PRDM16: variants seen among roughly 807,000 people sequenced by gnomAD.
The protein encoded by PRDM16 is PR/SET domain 16.
A neutral mutation model predicts 110.6 loss-of-function variants in PRDM16; 23 were observed. The observed-to-expected ratio is 0.21, with a 90% CI of 0.15 to 0.29. The LOEUF is 0.29. PRDM16 is among the 10% of genes least tolerant of loss of function. PRDM16 has a pLI of 1.00. For synonymous variants in PRDM16, 799 were observed against 781.8 expected (o/e 1.02, Z -0.37); for missense variants, 1,615 against 1,794.3 (o/e 0.90, Z 1.81).
chr1:3,212,022 T>A (rs1313562206), intron 2 of PRDM16, among the ~76,000 whole-genome samples: 1 of 152,182 alleles, frequency 6.6e-6, no homozygotes, highest in Non-Finnish European at 1.5e-5. Flanking sequence ...GGTGGATTAA[T>A]CCTCGCGTCG....
rs757018869 is a variant in PRDM16 at position 3,417,876 on chromosome 1, A to G, written c.2740A>G (p.Met914Val). The G allele has an allele frequency of 7.4e-6, 12 of 1,613,766 alleles. No individual in the cohort carries two copies. In the South Asian group the frequency reaches 1.1e-4, roughly 15 times the overall value. The change falls in exon 11 of 17, where the codon ATG becomes GTG. Residue 914 changes from methionine (M) to valine (V), a missense_variant. Physicochemically the swap from Met to Val is conservative, Grantham distance 21. Transcript: ENST00000270722. The part of the protein sequence containing the change: ...MTEKLESFAA[M>V]KADSGSSLQP... ...AGAGAAGCTGGAGAGCTTTGCAGCC[A>G]TGAAGGCGGACTCGGGCAGCTCCCT...
At chr1:3,391,424 A>T (rs541052213) in intron 4 of PRDM16, among the ~76,000 whole-genome samples, 1 of 152,140 alleles carries the variant, frequency 6.6e-6, no homozygotes, top group Non-Finnish European at 1.5e-5. Context: ...ACCTGTCAGG[A>T]TTTGTATATT....
At chr1:3,418,515 G>C (rs1023154444) in intron 11 of PRDM16, 152 bp from the exon 12 acceptor site, 3 of 660,862 alleles carry the variant, frequency 4.5e-6, no homozygotes, top group African/African-American at 3.6e-5. Flanking sequence ...GGGCTTCAGG[G>C]CCGTGGAAGG....
At chr1:3,327,132 T>C (rs1438566113) in intron 3 of PRDM16, among the ~76,000 whole-genome samples, 2 of 152,268 alleles carry the variant, frequency 1.3e-5, no homozygotes, top group Non-Finnish European at 2.9e-5. Context: ...ACACTTTTTG[T>C]GTCTGAGACT....
rs745904673 is a variant in PRDM16 at position 3,209,604 on chromosome 1, G to A, written c.387+23130G>A. On this transcript the variant is annotated intron_variant, in intron 2 of 16. Transcript: ENST00000270722. This position sits in a 1 kb window ranked among gnomAD's most constrained non-coding sequence, Gnocchi z 4.6. Reference sequence around the variant, plus strand: ...TGGAAGCTGAGCGCCTCAGTGGAATGTCCTGGAACCTCACTTCGGGATCCT... The same window carrying A: ...TGGAAGCTGAGCGCCTCAGTGGAATATCCTGGAACCTCACTTCGGGATCCT... Among the ~76,000 whole-genome samples, 13 of 152,352 alleles carry A rather than the reference G, an allele frequency of 8.5e-5. No individual in the cohort carries two copies. The highest frequency in any genetic ancestry group is 1.6e-4 in the Non-Finnish European group (11 of 68,032).
At chr1:3,269,232 G>A (rs1640370630) in intron 3 of PRDM16, among the ~76,000 whole-genome samples, 1 of 152,282 alleles carries the variant, frequency 6.6e-6, no homozygotes, top group African/African-American at 2.4e-5. Context: ...GCTGGGAGGA[G>A]GAGGACGGCC....
chr1:3,268,470 A>C (rs1329853197), intron 3 of PRDM16, among the ~76,000 whole-genome samples: 1 of 152,198 alleles, frequency 6.6e-6, no homozygotes, highest in Non-Finnish European at 1.5e-5. Flanking sequence ...AGGCTGGTGC[A>C]GGGCGGCCGG....
At position 3,201,941 on chromosome 1, in the gene PRDM16, T is replaced by C. The variant is rs555838915; in HGVS notation, c.387+15467T>C. On this transcript the variant is annotated intron_variant, in intron 2 of 16. Transcript: ENST00000270722. This position sits in a 1 kb window ranked among gnomAD's most constrained non-coding sequence, Gnocchi z 4.1. ...GCCTTCGAGCAAGGGGTCCAGCTCC[T>C]GTAGGTTTCTTGCTTCAGTGGTGCC... Among the ~76,000 whole-genome samples, 1 of 152,306 alleles carries C rather than the reference T, an allele frequency of 6.6e-6. No homozygotes were observed. Among genetic ancestry groups the C allele is most frequent in the Admixed American group, 6.5e-5 (1 of 15,304 alleles).
intron 2 of PRDM16, among the ~76,000 whole-genome samples, chr1:3,198,566 C>T (rs936031540): frequency 3.3e-5 from 5 of 152,190 alleles, no homozygotes; most frequent in East Asian, 1.9e-4. Context: ...GCAGCACCAC[C>T]GTGCTTTCCA....
intron 15 of PRDM16, among the ~76,000 whole-genome samples, chr1:3,431,533 G>A (rs922422250): frequency 6.6e-6 from 1 of 152,200 alleles, no homozygotes; most frequent in African/African-American, 2.4e-5. Flanking sequence ...CACCAATATC[G>A]GGCCTGGGCG....
chr1:3,239,669 C>G (rs1010252515), intron 2 of PRDM16, among the ~76,000 whole-genome samples: 1 of 152,216 alleles, frequency 6.6e-6, no homozygotes, highest in African/African-American at 2.4e-5. Flanking sequence ...TAGGTTAGAA[C>G]CAGCCACAGT....
intron 1 of PRDM16, among the ~76,000 whole-genome samples, chr1:3,174,953 G>A (rs1024210751): frequency 1.3e-5 from 2 of 152,126 alleles, no homozygotes; most frequent in Non-Finnish European, 2.9e-5. Context: ...TGTTAATAGC[G>A]GCCGCTTGGT....
Position 3,339,301 on chromosome 1 carries a change from A to G in PRDM16, c.439-45851A>G, listed in dbSNP as rs61603371. On this transcript the variant is annotated intron_variant, in intron 3 of 16. Coordinates refer to ENST00000270722, the MANE Select transcript of PRDM16 (RefSeq NM_022114.4). This position sits in a 1 kb window ranked among gnomAD's most constrained non-coding sequence, Gnocchi z 5.0. ...AGACAGACGTCCTGCTTGTCTCGGT[A>G]TCCCTGGCCCTTGCCCAGGGTGAGG... 6.6e-6 allele frequency among the ~76,000 whole-genome samples: 1 copy of G among 152,150 alleles called. No individual in the cohort carries two copies. The highest frequency in any genetic ancestry group is 1.9e-4 in the East Asian group (1 of 5,150).
intron 3 of PRDM16, among the ~76,000 whole-genome samples, chr1:3,289,706 C>T (rs2100353900): frequency 6.6e-6 from 1 of 152,312 alleles, no homozygotes; most frequent in Admixed American, 6.5e-5. Context: ...GGCAAAGGCC[C>T]TGGGGCAGGA....
chr1:3,118,011 T>A (rs58543926), intron 1 of PRDM16, among the ~76,000 whole-genome samples: 8,259 of 151,084 alleles, frequency 0.055, 518 homozygotes, highest in East Asian at 0.22. Flanking sequence ...TGCGTGTGCG[T>A]GTGTGCATGT....
intron 3 of PRDM16, among the ~76,000 whole-genome samples, chr1:3,334,596 G>C (rs917557485): frequency 5.9e-5 from 9 of 152,152 alleles, no homozygotes; most frequent in African/African-American, 2.2e-4. Context: ...TGGCCACAAT[G>C]CCTGCCTTGC....
chr1:3,317,400 A>G (rs28650804), intron 3 of PRDM16, among the ~76,000 whole-genome samples: 4,894 of 152,302 alleles, frequency 0.032, 316 homozygotes, highest in East Asian at 0.24. Flanking sequence ...CCTTCTGTCC[A>G]GCAGCCGCTG....
rs149331966 is a variant in PRDM16 at position 3,096,818 on chromosome 1, C to T, written c.37+27522C>T. Among the ~76,000 whole-genome samples, 17 of 152,342 alleles carry T rather than the reference C, an allele frequency of 1.1e-4. No homozygotes were observed. The East Asian group carries it at 3.3e-3, about 29-fold the overall frequency. On this transcript the variant is annotated intron_variant, in intron 1 of 16. Transcript: ENST00000270722. ...CTCAGTTTTCCCAGTGCCTGTCTTT[C>T]CTTGTGCCAAGGACGGGAGTCTGGG... is the stretch of plus-strand genomic sequence containing the variant.
At chr1:3,355,913 C>T (rs1404418213) in intron 3 of PRDM16, among the ~76,000 whole-genome samples, 5 of 152,134 alleles carry the variant, frequency 3.3e-5, no homozygotes, top group Admixed American at 2.0e-4. Flanking sequence ...AAACACCCCC[C>T]AAACACCCTG....
Sources: gnomAD v4.1 joint callset for allele counts (sites outside exome capture counted in the v4.1 genomes callset) on GRCh38, gnomAD v4.1.1 for gene constraint, Gnocchi (gnomAD v3.1) non-coding constraint, MANE v1.5 for transcripts, NCBI Gene and HGNC (gene_info 2026-07-23, HGNC 2026-07-21) for gene names.